CIB1: variants seen among roughly 807,000 people sequenced by gnomAD.
CIB1 encodes calcium and integrin-binding protein 1.
A neutral mutation model predicts 25.0 loss-of-function variants in CIB1; 19 were observed. The ratio of observed to expected loss-of-function variants is 0.76; its 90% confidence interval spans 0.53 to 1.12. The LOEUF (loss-of-function observed/expected upper bound fraction) is 1.12. Among genes scored for constraint, CIB1 ranks in the 50% most tolerant of loss-of-function variants. The pLI is 0.00. For missense variants in CIB1, 236 were observed against 242.6 expected (o/e 0.97, Z 0.18); for synonymous variants, 104 against 98.5 (o/e 1.06, Z -0.33).
At chr15:90,260,273 G>A in the CIB1 span, among the ~76,000 whole-genome samples, 1 of 152,150 alleles carries the variant, frequency 6.6e-6, no homozygotes, top group East Asian at 1.9e-4. Context: ...TGAGGTGGGT[G>A]GATCCCTTGA....
chr15:90,231,395 G>A lies in CIB1; in HGVS notation c.308C>T (p.Thr103Met), dbSNP rs147405990. The change falls in exon 4 of 7, where the codon ACG becomes ATG. Residue 103 changes from threonine (T) to methionine (M), a missense_variant. Thr to Met is a moderately conservative substitution (Grantham distance 81). Transcript: ENST00000328649. ...GGCATAATGGGACTTGATGTCTGGC[G>A]TGGCTGTGTCACTGAACACACTGAG... ...DLLSVFSDTA[T>M]PDIKSHYAFR... 2.7e-4 allele frequency: 429 copies of A among 1,614,084 alleles called. No individual in the cohort carries two copies. The highest frequency in any genetic ancestry group is 3.4e-4 in the Non-Finnish European group (404 of 1,180,050).
At chr15:90,252,101 G>C in the CIB1 span, among the ~76,000 whole-genome samples, 2 of 148,162 alleles carry the variant, frequency 1.3e-5, no homozygotes, top group Non-Finnish European at 1.5e-5. Context: ...ATGCAATGGC[G>C]TGATCTCGAC....
the CIB1 span, among the ~76,000 whole-genome samples, chr15:90,256,585 CTTT>C: frequency 5.1e-3 from 178 of 34,584 alleles, no homozygotes; most frequent in Middle Eastern, 0.05. Context: ...TTCTTTCTTT[CTTT>C]CTTTCTTTCT....
chr15:90,236,935 G>A (rs967756245), upstream of CIB1, among the ~76,000 whole-genome samples: 4 of 151,672 alleles, frequency 2.6e-5, no homozygotes, highest in Non-Finnish European at 4.4e-5. Flanking sequence ...TGATAAAACC[G>A]AGCTGCTGAT....
In CIB1 at chr15:90,231,016, C is replaced by G; in HGVS notation, c.472G>C (p.Glu158Gln). 1 of 1,614,034 alleles carries G rather than the reference C, an allele frequency of 6.2e-7. No homozygotes were observed. The highest frequency in any genetic ancestry group is 1.1e-5 in the South Asian group (1 of 91,074). The part of the protein sequence containing the change: ...EMKQLIDNIL[E>Q]ESDIDRDGTI... ...CCATCCCTGTCAATGTCAGACTCCT[C>G]CAGGATCTGGGAAAGGGAGAGTTTC... The change falls in exon 6 of 7, where the codon GAG becomes CAG. Residue 158 changes from glutamate (E) to glutamine (Q), a missense_variant. By Grantham distance (29) the Glu-to-Gln change is conservative (BLOSUM62 2). Coordinates refer to ENST00000328649, the MANE Select transcript of CIB1 (RefSeq NM_006384.4).
the CIB1 span, among the ~76,000 whole-genome samples, chr15:90,260,509 TA>T: frequency 6.7e-6 from 1 of 150,258 alleles, no homozygotes; most frequent in Admixed American, 6.6e-5. Context: ...AAAATTAAAT[TA>T]AAAAATAAAA....
chr15:90,254,162 C>T, the CIB1 span, among the ~76,000 whole-genome samples: 1 of 149,644 alleles, frequency 6.7e-6, no homozygotes, highest in Non-Finnish European at 1.5e-5. Flanking sequence ...CACTACACTC[C>T]AGCCTGTGTG....
At chr15:90,237,062 G>A (rs190966105), upstream of CIB1, among the ~76,000 whole-genome samples, 29 of 152,010 alleles carry the variant, frequency 1.9e-4, no homozygotes, top group Admixed American at 1.4e-3. Flanking sequence ...AGATTCAAGC[G>A]ATTCTCCTGC....
At chr15:90,245,739 A>G in the CIB1 span, 1 of 152,168 alleles carries the variant, frequency 6.6e-6, no homozygotes, top group South Asian at 2.1e-4. Context: ...GTTTAGAGGA[A>G]AGCCTTCCCT....
the CIB1 span, chr15:90,242,148 TATG>T: frequency 1.7e-6 from 2 of 1,202,560 alleles, no homozygotes; most frequent in African/African-American, 3.1e-5. Flanking sequence ...AGTGTAGTGG[TATG>T]ATCCTGGCTC....
the CIB1 span, chr15:90,262,648 G>A: frequency 6.7e-7 from 1 of 1,498,768 alleles, no homozygotes; most frequent in South Asian, 1.3e-5. Flanking sequence ...TGGCTTACAG[G>A]AACCGCAACT....
At chr15:90,233,745 AGGCCGC>A in intron 1 of CIB1, 42 bp from the exon 2 acceptor site, 1 of 1,557,118 alleles carries the variant, frequency 6.4e-7, no homozygotes, top group Non-Finnish European at 8.7e-7. Context: ...GACCGCTGGG[AGGCCGC>A]GGCCGCCCCG....
At chr15:90,265,571 G>C in the CIB1 span, 1 of 1,399,106 alleles carries the variant, frequency 7.1e-7, no homozygotes, top group South Asian at 1.4e-5. Flanking sequence ...AGCAGCGTGA[G>C]CCCAGATCTT....
At chr15:90,264,111 C>A in the CIB1 span, 1 of 1,167,144 alleles carries the variant, frequency 8.6e-7, no homozygotes, top group Non-Finnish European at 1.2e-6. Context: ...ATCCCACTAG[C>A]AAGCATAGAG....
the CIB1 span, chr15:90,262,618 C>G: frequency 5.2e-6 from 8 of 1,527,836 alleles, no homozygotes; most frequent in African/African-American, 5.5e-5. Flanking sequence ...GGGCAGGGCT[C>G]CAGAGCCTTT....
At chr15:90,256,751 C>T in the CIB1 span, among the ~76,000 whole-genome samples, 1 of 151,848 alleles carries the variant, frequency 6.6e-6, no homozygotes, top group Non-Finnish European at 1.5e-5. Flanking sequence ...TGCAGCGGCA[C>T]GATCTCAGCT....
chr15:90,233,330 T>C (rs1962548500), intron 2 of CIB1, among the ~76,000 whole-genome samples: 1 of 152,230 alleles, frequency 6.6e-6, no homozygotes, highest in Non-Finnish European at 1.5e-5. Context: ...GGAGCCGGGC[T>C]CCCCAAGGCT....
the CIB1 span, chr15:90,240,857 G>A: frequency 8.5e-7 from 1 of 1,180,134 alleles, no homozygotes; most frequent in Non-Finnish European, 1.2e-6. Flanking sequence ...ATCTCTGGAG[G>A]TGGGTTACCA....
At chr15:90,255,146 A>T in the CIB1 span, among the ~76,000 whole-genome samples, 5 of 152,202 alleles carry the variant, frequency 3.3e-5, no homozygotes, top group Non-Finnish European at 7.3e-5. Flanking sequence ...TCCAACGGAA[A>T]GATTCTCCTC....
Sources: gnomAD v4.1 joint callset for allele counts (sites outside exome capture counted in the v4.1 genomes callset) on GRCh38, gnomAD v4.1.1 for gene constraint, MANE v1.5 for transcripts, NCBI Gene and HGNC (gene_info 2026-07-23, HGNC 2026-07-21) for gene names.